SYTL2: variants seen among roughly 807,000 people sequenced by gnomAD.
SYTL2 encodes the protein synaptotagmin like 2.
A neutral mutation model predicts 198.7 loss-of-function variants in SYTL2; 165 were observed. The ratio of observed to expected loss-of-function variants is 0.83; its 90% confidence interval spans 0.73 to 0.94. SYTL2 has a LOEUF of 0.94. SYTL2 is among the 40% of genes least tolerant of loss of function. SYTL2 has a pLI of 0.00. For missense variants in SYTL2, 2,835 were observed against 2,582.8 expected (o/e 1.10, Z -2.12); for synonymous variants, 966 against 917.7 (o/e 1.05, Z -0.95).
chr11:85,698,905 T>C (rs1482903200), intron 17 of SYTL2, among the ~76,000 whole-genome samples: 1 of 152,206 alleles, frequency 6.6e-6, no homozygotes, highest in Non-Finnish European at 1.5e-5. Context: ...TATGGGCAGA[T>C]AGTTACTAAG....
intron 1 of SYTL2, among the ~76,000 whole-genome samples, chr11:85,779,469 A>G (rs2092519911): frequency 6.6e-6 from 1 of 152,236 alleles, no homozygotes; most frequent in Non-Finnish European, 1.5e-5. Flanking sequence ...TCAGAGAAGC[A>G]GAATAATTTC....
chr11:85,726,436 T>C lies in SYTL2; in HGVS notation c.2922A>G (p.Glu974=), dbSNP rs370844079. Residue 974 remains glutamate, a synonymous_variant, in exon 8 of 20, where the codon GAA becomes GAG. Coordinates refer to ENST00000359152, the MANE Select transcript of SYTL2 (RefSeq NM_206927.4). ...LKERMDEPNA[E]QVYNPSQFEN... ...CAAACTGAGAGGGATTATAGACCTG[T>C]TCTGCATTGGGTTCATCCATTCTTT... The C allele has an allele frequency of 6.2e-7, 1 of 1,613,528 alleles. No individual in the cohort carries two copies. Among genetic ancestry groups the C allele is most frequent in the Non-Finnish European group, 8.5e-7 (1 of 1,179,906 alleles).
Position 85,796,275 on chromosome 11 carries a change from T to G in SYTL2, c.-390+14679A>C, listed in dbSNP as rs2092802871. ...TCAAATTTCTACCTTTGAAGATCTTTGTAAGAATTAAAAGGATGATTCACG... is the reference window on the plus strand; with the variant it reads ...TCAAATTTCTACCTTTGAAGATCTTGGTAAGAATTAAAAGGATGATTCACG... On this transcript the variant is annotated intron_variant, in intron 1 of 19. Transcript: ENST00000359152. 2.0e-5 allele frequency among the ~76,000 whole-genome samples: 3 copies of G among 152,178 alleles called. No homozygotes were observed. The South Asian group carries it at 6.2e-4, about 31-fold the overall frequency.
At chr11:85,770,433 T>C (rs1235439652) in intron 1 of SYTL2, among the ~76,000 whole-genome samples, 2 of 152,312 alleles carry the variant, frequency 1.3e-5, no homozygotes, top group East Asian at 3.9e-4. Flanking sequence ...GCTAGACTCA[T>C]ATCCAAAGCA....
At chr11:85,756,534 G>A (rs772397373) in intron 2 of SYTL2, among the ~76,000 whole-genome samples, 3 of 152,092 alleles carry the variant, frequency 2.0e-5, no homozygotes, top group Non-Finnish European at 4.4e-5. Flanking sequence ...GATATTGGGC[G>A]AGTCACCTGA....
At chr11:85,777,812 C>CTTGTTTTT (rs2092479356) in intron 1 of SYTL2, among the ~76,000 whole-genome samples, 1 of 63,290 alleles carries the variant, frequency 1.6e-5, no homozygotes, top group African/African-American at 5.7e-5. Context: ...GGTCTTACTT[C>CTTGTTTTT]TTTTTTTTTT....
intron 12 of SYTL2, among the ~76,000 whole-genome samples, chr11:85,712,269 T>C (rs2086434396): frequency 1.3e-5 from 2 of 152,212 alleles, no homozygotes; most frequent in African/African-American, 4.8e-5. Flanking sequence ...AAAAAATTCA[T>C]ATCTTTTAAA....
In SYTL2 at chr11:85,717,539, GA is replaced by G; in HGVS notation, c.5483-10del. 6.2e-7 allele frequency: 1 copy of G among 1,610,138 alleles called. No individual in the cohort carries two copies. The highest frequency in any genetic ancestry group is 8.5e-7 in the Non-Finnish European group (1 of 1,176,660). On this transcript the variant is annotated splice_polypyrimidine_tract_variant and intron_variant, in intron 10 of 19. Coordinates refer to ENST00000359152, the MANE Select transcript of SYTL2 (RefSeq NM_206927.4). ...CTGATCTGGTTTCTCATCTACTCAG[GA>G]GGGCAACATTGAGAATAAATACCAT... is the stretch of plus-strand genomic sequence containing the variant.
rs1338566507 is a variant in SYTL2, at chr11:85,694,722, T to TC, written c.*472_*473insG. 6.6e-6 allele frequency: 1 copy of TC among 152,004 alleles called. No homozygotes were observed. The highest frequency in any genetic ancestry group is 2.4e-5 in the African/African-American group (1 of 41,330). 9.4% of individuals were successfully genotyped at this position (152,004 alleles called of 1,614,324 possible). On this transcript the variant is annotated 3_prime_UTR_variant, in exon 20 of 20. Transcript: ENST00000359152. Reference sequence around the variant, plus strand: ...ATAGTTTCTTAAGGTCCATTTTTTTTTTTATCATCACTGATGTCTGTCTCC... The same window carrying TC: ...ATAGTTTCTTAAGGTCCATTTTTTTTCTTTATCATCACTGATGTCTGTCTCC...
intron 16 of SYTL2, among the ~76,000 whole-genome samples, chr11:85,702,635 G>A (rs2084514260): frequency 6.6e-6 from 1 of 152,166 alleles, no homozygotes; most frequent in African/African-American, 2.4e-5. Context: ...ATGAAAACTG[G>A]GCTTGTGCTT....
chr11:85,801,515 C>T (rs1050369244), intron 1 of SYTL2, among the ~76,000 whole-genome samples: 1 of 152,196 alleles, frequency 6.6e-6, no homozygotes, highest in Non-Finnish European at 1.5e-5. Context: ...CTACAAGTAC[C>T]ATTACCTTTT....
At position 85,734,233 on chromosome 11, in the gene SYTL2, T is replaced by A; in HGVS notation, c.1096A>T (p.Lys366Ter). 1 of 1,614,206 alleles carries A rather than the reference T, an allele frequency of 6.2e-7. No individual in the cohort carries two copies. The highest frequency in any genetic ancestry group is 8.5e-7 in the Non-Finnish European group (1 of 1,180,020). Reference sequence around the variant, plus strand: ...TCCCCTGCATCTTCCATTCCATTTTTCAATCTGTCAGATTCTAAAACACTA... The same window carrying A: ...TCCCCTGCATCTTCCATTCCATTTTACAATCTGTCAGATTCTAAAACACTA... ...EFSVLESDRLKNGMEDAGDTE... is the reference protein window; with the variant it reads ...EFSVLESDRL Residue 366 changes from lysine (K) to a stop codon, truncating the protein, a stop_gained, in exon 7 of 20, where the codon AAA becomes TAA. Transcript: ENST00000359152. LOFTEE classifies it high-confidence loss of function.
intron 17 of SYTL2, among the ~76,000 whole-genome samples, chr11:85,700,283 A>G (rs983037286): frequency 2.0e-5 from 3 of 151,744 alleles, no homozygotes; most frequent in African/African-American, 7.3e-5. Context: ...ACTAAGCTGT[A>G]CAGTTAAAAA....
Position 85,696,210 on chromosome 11 carries a change from C to G in SYTL2, c.6547G>C (p.Gly2183Arg), listed in dbSNP as rs2153349005. The G allele has an allele frequency of 6.2e-7, 1 of 1,614,076 alleles. No homozygotes were observed. Among genetic ancestry groups the G allele is most frequent in the South Asian group, 1.1e-5 (1 of 91,074 alleles). ...DHYKLTNQFLGGLRIGFGTGK... is the reference protein window; with the variant it reads ...DHYKLTNQFLRGLRIGFGTGK... ...GTTCCAAAGCCAATACGAAGACCTCCCAAAAATTGGTTGGTTAATTTGTAA... is the reference window on the plus strand; with the variant it reads ...GTTCCAAAGCCAATACGAAGACCTCGCAAAAATTGGTTGGTTAATTTGTAA... The change falls in exon 19 of 20, where the codon GGA becomes CGA. Residue 2183 changes from glycine (G) to arginine (R), a missense_variant. This residue lies in a region of SYTL2 where 185 missense variants were observed against 182.1 expected (regional missense o/e 1.02). Coordinates refer to ENST00000359152, the MANE Select transcript of SYTL2 (RefSeq NM_206927.4).
rs534180446 is a variant in SYTL2 at position 85,796,434 on chromosome 11, C to T, written c.-390+14520G>A. 1.6e-4 allele frequency among the ~76,000 whole-genome samples: 24 copies of T among 152,228 alleles called. 1 individual carries two copies. Among genetic ancestry groups the T allele is most frequent in the Admixed American group, 1.3e-4 (2 of 15,292 alleles). ...TTTAGAGAAATAATGAAAGTGAATC[C>T]GAGGCAAATATTGCCCCTCATTTTT... On this transcript the variant is annotated intron_variant, in intron 1 of 19. Transcript: ENST00000359152.
At chr11:85,772,039 C>T (rs976690865) in intron 1 of SYTL2, among the ~76,000 whole-genome samples, 1 of 152,114 alleles carries the variant, frequency 6.6e-6, no homozygotes, top group Non-Finnish European at 1.5e-5. Flanking sequence ...AACAGCTAGG[C>T]CTACAGGCAT....
Position 85,724,587 on chromosome 11 carries a change from T to C in SYTL2, c.4771A>G (p.Thr1591Ala), listed in dbSNP as rs761963437. 2 of 1,612,954 alleles carry C rather than the reference T, an allele frequency of 1.2e-6. No individual in the cohort carries two copies. The highest frequency in any genetic ancestry group is 1.7e-6 in the Non-Finnish European group (2 of 1,179,698). Residue 1591 changes from threonine to alanine, a missense_variant, in exon 8 of 20, where the codon ACT becomes GCT. Transcript: ENST00000359152. Reference sequence around the variant, plus strand: ...GACTGTGAGGACTCCTTCTCGTGAGTTTCTTCTCTCACTGACACCTGGGGC... The same window carrying C: ...GACTGTGAGGACTCCTTCTCGTGAGCTTCTTCTCTCACTGACACCTGGGGC... Reference protein sequence around the residue: ...YQPQVSVREETHEKESSQSEQ... With the variant: ...YQPQVSVREEAHEKESSQSEQ...
intron 2 of SYTL2, 23 bp downstream of exon 2, chr11:85,757,602 C>T (rs1473497139): frequency 6.2e-7 from 1 of 1,612,250 alleles, no homozygotes; most frequent in South Asian, 1.1e-5. Context: ...TCCCTCATGC[C>T]CAAGGCTTCT....
At chr11:85,820,121 A>C in the SYTL2 span, among the ~76,000 whole-genome samples, 2 of 152,214 alleles carry the variant, frequency 1.3e-5, no homozygotes, top group Admixed American at 1.3e-4. Flanking sequence ...TTCCATTATA[A>C]ATGTAAGCAA....
Sources: gnomAD v4.1 joint callset for allele counts (sites outside exome capture counted in the v4.1 genomes callset) on GRCh38, gnomAD v4.1.1 for gene constraint, gnomAD v4.1.1 regional missense constraint, MANE v1.5 for transcripts, NCBI Gene and HGNC (gene_info 2026-07-23, HGNC 2026-07-21) for gene names.